The following PPP4R4 variants were observed in gnomAD, a reference collection of about 807,000 sequenced individuals.
PPP4R4 encodes the protein serine/threonine-protein phosphatase 4 regulatory subunit 4.
In PPP4R4, 70 loss-of-function variants were observed where a neutral mutation model predicts 121.8. The observed-to-expected ratio is 0.57, with a 90% confidence interval of 0.47 to 0.70. The LOEUF (loss-of-function observed/expected upper bound fraction) is 0.70. Ranked by LOEUF, PPP4R4 falls within the 30% of genes least tolerant of loss-of-function variation. PPP4R4 has a pLI of 0.00. For missense variants in PPP4R4, 875 were observed against 1,033.6 expected (o/e 0.85, Z 2.10); for synonymous variants, 348 against 355.7 (o/e 0.98, Z 0.24).
At position 94,191,095 on chromosome 14, in the gene PPP4R4, T is replaced by C. The variant is rs192450436; in HGVS notation, c.191+14968T>C. On this transcript the variant is annotated intron_variant, in intron 2 of 24. Transcript: ENST00000304338. ...TATGGAACAAATCCAAGATAAACAA[T>C]ACAAAAAACCAAGGATTTATTAATG... Among the ~76,000 whole-genome samples, 42 of 152,228 alleles carry C rather than the reference T, an allele frequency of 2.8e-4. 1 individual carries two copies. The highest frequency in any genetic ancestry group is 2.2e-3 in the Admixed American group (34 of 15,298).
At chr14:94,185,547 C>T (rs1207205029) in intron 2 of PPP4R4, among the ~76,000 whole-genome samples, 5 of 152,106 alleles carry the variant, frequency 3.3e-5, no homozygotes, top group African/African-American at 1.2e-4. Flanking sequence ...ATAATATCTT[C>T]ATTGCAGGAT....
chr14:94,247,789 T>TA (rs1265778047), intron 14 of PPP4R4, among the ~76,000 whole-genome samples: 1 of 152,186 alleles, frequency 6.6e-6, no homozygotes, highest in East Asian at 1.9e-4. Context: ...ATTTGCCACA[T>TA]AAACAGGATT....
intron 3 of PPP4R4, among the ~76,000 whole-genome samples, chr14:94,222,010 T>G (rs1004775944): frequency 1.3e-5 from 2 of 152,094 alleles, no homozygotes; most frequent in African/African-American, 2.4e-5. Context: ...TAATACTCTT[T>G]ACATATTCTG....
intron 3 of PPP4R4, among the ~76,000 whole-genome samples, chr14:94,228,168 A>G (rs541622011): frequency 1.3e-5 from 2 of 152,218 alleles, no homozygotes; most frequent in Non-Finnish European, 2.9e-5. Flanking sequence ...GCAATTAACC[A>G]TAGCACATAG....
rs750925625 is a variant in PPP4R4, at chr14:94,278,632, T to C, written c.2611T>C (p.Ser871Pro). ...PRKATLKSRK[S>P]NP The stretch of plus-strand genomic sequence containing the variant: ...TTCTTCCCAAAGAAAATCCAGAAAA[T>C]CCAATCCTTAAATCAACTGCTTGAT... The change falls in exon 25 of 25, where the codon TCC becomes CCC. Residue 871 changes from serine (S) to proline (P), a missense_variant. Physicochemically the swap from Ser to Pro is moderately conservative, Grantham distance 74. Coordinates refer to ENST00000304338, the MANE Select transcript of PPP4R4 (RefSeq NM_058237.2). The C allele has an allele frequency of 6.3e-7, 1 of 1,580,038 alleles. No homozygotes were observed. Among genetic ancestry groups the C allele is most frequent in the East Asian group, 2.3e-5 (1 of 43,402 alleles).
chr14:94,261,096 CAT>C (rs1369466579), intron 19 of PPP4R4, among the ~76,000 whole-genome samples: 10 of 152,112 alleles, frequency 6.6e-5, no homozygotes, highest in Non-Finnish European at 1.5e-5. Flanking sequence ...TAGTTGTACA[CAT>C]ATGTGTCTAT....
intron 2 of PPP4R4, among the ~76,000 whole-genome samples, chr14:94,179,220 C>T (rs1443998081): frequency 2.0e-5 from 3 of 152,190 alleles, no homozygotes; most frequent in African/African-American, 7.2e-5. Flanking sequence ...TTAGCAGTTG[C>T]TCCTCAGTAC....
At chr14:94,199,095 A>G (rs575186583) in intron 2 of PPP4R4, among the ~76,000 whole-genome samples, 7 of 152,350 alleles carry the variant, frequency 4.6e-5, no homozygotes, top group Admixed American at 3.3e-4. Context: ...ATCATATTGA[A>G]TCTGTCTTCA....
intron 7 of PPP4R4, among the ~76,000 whole-genome samples, chr14:94,236,487 A>G (rs1032053134): frequency 2.0e-4 from 31 of 152,076 alleles, no homozygotes; most frequent in Admixed American, 9.2e-4. Context: ...AATGTTTGTG[A>G]AGTACTGGTA....
At chr14:94,195,906 ATTTC>A (rs1889845009) in intron 2 of PPP4R4, among the ~76,000 whole-genome samples, 1 of 152,050 alleles carries the variant, frequency 6.6e-6, no homozygotes, top group African/African-American at 2.4e-5. Flanking sequence ...CAAAATTTAT[ATTTC>A]TTTTTATGTT....
chr14:94,266,813 A>G, intron 22 of PPP4R4, 146 bp from the exon 23 acceptor site: 1 of 597,580 alleles, frequency 1.7e-6, no homozygotes, highest in Non-Finnish European at 2.9e-6. Flanking sequence ...AGGCATGAAT[A>G]TAAAAAAAAT....
chr14:94,224,897 T>G (rs1891611883), intron 3 of PPP4R4, among the ~76,000 whole-genome samples: 1 of 152,164 alleles, frequency 6.6e-6, no homozygotes, highest in Non-Finnish European at 1.5e-5. Flanking sequence ...ATAAGGAAGC[T>G]TAAGAACTAG....
intron 16 of PPP4R4, 114 bp from the exon 17 acceptor site, chr14:94,256,346 A>G: frequency 1.2e-6 from 1 of 800,782 alleles, no homozygotes; most frequent in South Asian, 2.0e-5. Context: ...CTCCATGAAT[A>G]TATCTTGCAT....
At chr14:94,255,316 G>A (rs1243746581) in intron 16 of PPP4R4, among the ~76,000 whole-genome samples, 3 of 152,016 alleles carry the variant, frequency 2.0e-5, no homozygotes, top group African/African-American at 4.8e-5. Context: ...TTCAGAATCC[G>A]GACTGGGCGC....
intron 23 of PPP4R4, among the ~76,000 whole-genome samples, chr14:94,273,243 G>A (rs751269545): frequency 1.6e-4 from 24 of 152,126 alleles, no homozygotes; most frequent in Admixed American, 7.9e-4. Context: ...TCTTCAGTAG[G>A]TAGATGAATA....
chr14:94,255,169 T>G lies in PPP4R4; in HGVS notation c.1866-1291T>G, dbSNP rs548208653. 2.0e-5 allele frequency among the ~76,000 whole-genome samples: 3 copies of G among 152,382 alleles called. No individual in the cohort carries two copies. In the South Asian group the frequency reaches 6.2e-4, roughly 32 times the overall value. ...GAATTAAATCTTCATCTTTCTTATCTGCTTTTGCTCCTTCTGTAGTCTTCT... is the reference window on the plus strand; with the variant it reads ...GAATTAAATCTTCATCTTTCTTATCGGCTTTTGCTCCTTCTGTAGTCTTCT... On this transcript the variant is annotated intron_variant, in intron 16 of 24. Transcript: ENST00000304338.
chr14:94,253,158 A>G (rs950520610), intron 16 of PPP4R4, among the ~76,000 whole-genome samples: 2 of 152,188 alleles, frequency 1.3e-5, no homozygotes, highest in African/African-American at 2.4e-5. Context: ...TTTAAAGTGA[A>G]TTGAAAAGAA....
chr14:94,186,489 T>C (rs965112687), intron 2 of PPP4R4, among the ~76,000 whole-genome samples: 2 of 152,232 alleles, frequency 1.3e-5, no homozygotes, highest in Non-Finnish European at 2.9e-5. Flanking sequence ...CACATCTTGT[T>C]TATCCATTCA....
chr14:94,198,737 A>G (rs1197195815), intron 2 of PPP4R4, among the ~76,000 whole-genome samples: 1 of 152,158 alleles, frequency 6.6e-6, no homozygotes, highest in Non-Finnish European at 1.5e-5. Flanking sequence ...TTGTGTTTGT[A>G]TACGGCTATT....
Sources: allele counts gnomAD v4.1 joint callset (sites outside exome capture counted in the v4.1 genomes callset), GRCh38; gene constraint gnomAD v4.1.1; transcripts MANE v1.5; gene names NCBI Gene and HGNC (gene_info 2026-07-23, HGNC 2026-07-21).